Variants in STAB2 observed in about 807,000 individuals in gnomAD.
STAB2 encodes the protein stabilin-2.
Under a neutral mutation model 338.1 loss-of-function variants are expected in STAB2, and 288 were observed. The ratio of observed to expected loss-of-function variants is 0.85; its 90% CI spans 0.77 to 0.94. STAB2 has a LOEUF of 0.94. STAB2 is among the 40% of genes least tolerant of loss of function. The pLI is 0.00. For missense variants in STAB2, 3,141 were observed against 3,210.1 expected, an observed-to-expected ratio of 0.98 and a Z score of 0.52; for synonymous variants, 1,202 against 1,193.3, an observed-to-expected ratio of 1.01 and a Z score of -0.15.
At chr12:103,743,996 G>T (rs921444285) in intron 56 of STAB2, among the ~76,000 whole-genome samples, 1 of 152,186 alleles carries the variant, frequency 6.6e-6, no homozygotes, top group African/African-American at 2.4e-5. Flanking sequence ...GGATGGCTCT[G>T]GGGAGGGTAT....
intron 42 of STAB2, among the ~76,000 whole-genome samples, chr12:103,714,962 C>T (rs978711649): frequency 6.6e-6 from 1 of 152,102 alleles, no homozygotes; most frequent in Non-Finnish European, 1.5e-5. Context: ...ACAATTTTTC[C>T]TCCAGTGAGG....
chr12:103,715,940 G>A lies in STAB2; in HGVS notation c.4611+52G>A, dbSNP rs779182977. On this transcript the variant is annotated intron_variant, in intron 43 of 68. Transcript: ENST00000388887. Reference sequence around the variant, plus strand: ...AGGTTTCCTAAAAGGGAACTCCTAGGTCTTTAGACACAGGCCTGAGAGAAA... The same window carrying A: ...AGGTTTCCTAAAAGGGAACTCCTAGATCTTTAGACACAGGCCTGAGAGAAA... 4.4e-6 allele frequency: 7 copies of A among 1,590,404 alleles called. No homozygotes were observed. The South Asian group carries it at 5.6e-5, about 13-fold the overall frequency.
intron 3 of STAB2, among the ~76,000 whole-genome samples, chr12:103,598,312 G>A (rs1956906845): frequency 6.6e-6 from 1 of 152,224 alleles, no homozygotes; most frequent in Admixed American, 6.5e-5. Flanking sequence ...CTGGTCTCTT[G>A]TGGGGCAGGA....
intron 9 of STAB2, among the ~76,000 whole-genome samples, chr12:103,640,847 G>A (rs1286110660): frequency 6.6e-6 from 1 of 152,148 alleles, no homozygotes; most frequent in Admixed American, 6.6e-5. Context: ...CAAGGAAAGT[G>A]GCACCATATC....
chr12:103,712,266 G>A, intron 40 of STAB2, 101 bp from the exon 41 acceptor site: 2 of 900,176 alleles, frequency 2.2e-6, no homozygotes, highest in Non-Finnish European at 3.8e-6. Flanking sequence ...GTGTCTCATG[G>A]GGGCAGGGGC....
At chr12:103,670,869 AGGGT>A in intron 22 of STAB2, 62 bp downstream of exon 22, 4 of 1,411,826 alleles carry the variant, frequency 2.8e-6, no homozygotes, top group Non-Finnish European at 3.0e-6. Flanking sequence ...GTGCTGCAGC[AGGGT>A]GCTGGTGCAG....
chr12:103,634,640 A>G (rs1957515124), intron 6 of STAB2, among the ~76,000 whole-genome samples: 1 of 152,266 alleles, frequency 6.6e-6, no homozygotes, highest in Non-Finnish European at 1.5e-5. Flanking sequence ...TGATGTCGGG[A>G]TACCATGAAA....
At chr12:103,740,942 G>A (rs999386493) in intron 55 of STAB2, among the ~76,000 whole-genome samples, 186 bp downstream of exon 55, 4 of 152,080 alleles carry the variant, frequency 2.6e-5, no homozygotes, top group African/African-American at 9.7e-5. Flanking sequence ...TTTTTATCGA[G>A]TTGAGATCCT....
chr12:103,717,529 G>T (rs891868276), intron 43 of STAB2, among the ~76,000 whole-genome samples: 3 of 152,106 alleles, frequency 2.0e-5, no homozygotes. Context: ...AAAAAAAACG[G>T]TATCTTAGCA....
chr12:103,635,285 C>T (rs1053288907), intron 6 of STAB2, among the ~76,000 whole-genome samples: 3 of 152,202 alleles, frequency 2.0e-5, no homozygotes, highest in African/African-American at 7.2e-5. Context: ...TGGAGCTGGG[C>T]TTTATAAATG....
In STAB2 at chr12:103,668,705, C is replaced by T. The variant is rs1280722297; in HGVS notation, c.2148C>T (p.Ala716=). The change falls in exon 20 of 69, where the codon GCC becomes GCT. Residue 716 remains alanine, a synonymous_variant. Coordinates refer to ENST00000388887, the MANE Select transcript of STAB2 (RefSeq NM_017564.10). ...TTGGGAGCCTGAAGAGCGGCTGTGC[C>T]CGGTACTGCAATGCCACTGTGAAGG... ...GRFGSLKSGC[A]RYCNATVKIP... The T allele has an allele frequency of 2.6e-6, 4 of 1,549,536 alleles. No homozygotes were observed. Among genetic ancestry groups the T allele is most frequent in the South Asian group, 2.4e-5 (2 of 83,970 alleles).
At position 103,618,525 on chromosome 12, in the gene STAB2, C is replaced by T. The variant is rs577048331; in HGVS notation, c.332-1943C>T. 9.2e-5 allele frequency among the ~76,000 whole-genome samples: 14 copies of T among 152,268 alleles called. 1 individual carries two copies. In the South Asian group the frequency reaches 2.7e-3, roughly 29 times the overall value. On this transcript the variant is annotated intron_variant, in intron 3 of 68. Coordinates refer to ENST00000388887, the MANE Select transcript of STAB2 (RefSeq NM_017564.10). The stretch of plus-strand genomic sequence containing the variant: ...TTTCCACGGATGCTGATTTCACATG[C>T]CACAGGGAAGATGTATGGCAGAATG...
intron 47 of STAB2, 135 bp downstream of exon 47, chr12:103,727,485 G>A (rs1881303665): frequency 2.0e-6 from 2 of 999,454 alleles, no homozygotes; most frequent in African/African-American, 1.6e-5. Context: ...AGCAATAGAA[G>A]GGGCTGCCTC....
At chr12:103,637,903 C>G in intron 7 of STAB2, 113 bp from the exon 8 acceptor site, 2 of 1,095,498 alleles carry the variant, frequency 1.8e-6, no homozygotes, top group Non-Finnish European at 2.6e-6. Flanking sequence ...AAATGTTTGT[C>G]TTTGAAAACT....
chr12:103,594,549 T>A, intron 3 of STAB2, 39 bp downstream of exon 3: 1 of 1,471,096 alleles, frequency 6.8e-7, no homozygotes, highest in South Asian at 1.1e-5. Flanking sequence ...ACTTGCTTCT[T>A]GGTATCTCAT....
chr12:103,742,658 C>T (rs1882681797), intron 56 of STAB2, 104 bp downstream of exon 56: 1 of 1,537,356 alleles, frequency 6.5e-7, no homozygotes, highest in Non-Finnish European at 8.9e-7. Flanking sequence ...TTTGTCCTTT[C>T]TCTCAGCCAC....
intron 57 of STAB2, chr12:103,746,323 T>G: frequency 3.6e-6 from 1 of 277,852 alleles, no homozygotes; most frequent in Admixed American, 4.7e-5. Context: ...AGTTTTGTGG[T>G]ATAAAGTTTT....
intron 6 of STAB2, among the ~76,000 whole-genome samples, chr12:103,632,073 C>T (rs1400648171): frequency 6.6e-6 from 1 of 152,068 alleles, no homozygotes. Flanking sequence ...GCCTCAAAGG[C>T]GGAACACATT....
At chr12:103,762,017 C>T (rs1419919103) in intron 66 of STAB2, among the ~76,000 whole-genome samples, 1 of 152,152 alleles carries the variant, frequency 6.6e-6, no homozygotes, top group Non-Finnish European at 1.5e-5. Context: ...TGTGTGATAT[C>T]GGGCAAGTGC....
Sources: gnomAD v4.1 joint callset for allele counts (sites outside exome capture counted in the v4.1 genomes callset) on GRCh38, gnomAD v4.1.1 for gene constraint, MANE v1.5 for transcripts, NCBI Gene and HGNC (gene_info 2026-07-23, HGNC 2026-07-21) for gene names.